The following RYR3 variants were observed in gnomAD, a reference collection of about 807,000 sequenced individuals.
RYR3 encodes the protein ryanodine receptor 3.
A neutral mutation model predicts 584.3 loss-of-function variants in RYR3; 207 were observed. That is an observed-to-expected ratio of 0.35 (90% CI 0.32 to 0.40). The LOEUF (loss-of-function observed/expected upper bound fraction) is 0.40, where lower values mean the gene tolerates loss of function less well. Among genes scored for constraint, RYR3 ranks in the 10% least tolerant of loss-of-function variants. The pLI is 1.00. For missense variants in RYR3, 5,616 were observed against 6,089.2 expected (o/e 0.92, Z 2.59); for synonymous variants, 2,416 against 2,248.5 (o/e 1.07, Z -2.11).
chr15:33,355,480 G>C (rs879447841), intron 1 of RYR3, among the ~76,000 whole-genome samples: 36 of 152,184 alleles, frequency 2.4e-4, no homozygotes, highest in Non-Finnish European at 1.2e-4. Context: ...AACTGAGGTT[G>C]AAAAACTTTA....
In RYR3 at chr15:33,502,535, A is replaced by G. The variant is rs192776951; in HGVS notation, c.172-1096A>G. Among the ~76,000 whole-genome samples the G allele has an allele frequency of 2.0e-5, 3 of 152,338 alleles. No individual in the cohort carries two copies. In the East Asian group the frequency reaches 5.8e-4, roughly 29 times the overall value. On this transcript the variant is annotated intron_variant, in intron 2 of 103. Transcript: ENST00000634891. ...TGGTACACAGGTGATCACAAGCTGT[A>G]TTCTCAAGGAAAATGGTGTGTCATT...
intron 69 of RYR3, among the ~76,000 whole-genome samples, chr15:33,805,009 C>T (rs532841964): frequency 3.3e-5 from 5 of 152,250 alleles, no homozygotes; most frequent in East Asian, 3.9e-4. Context: ...TCAAAGATAA[C>T]GCTATTTTTC....
rs763155106 is a variant in RYR3, at chr15:33,845,079, T to G, written c.13497+17T>G. ...TGCCTGAAGGTGAGCTGTTTGCCAC[T>G]CTGGATCTAATCTCACTCCTTGAGG... On this transcript the variant is annotated intron_variant, in intron 93 of 103. Coordinates refer to ENST00000634891, the MANE Select transcript of RYR3 (RefSeq NM_001036.6). 8 of 1,612,510 alleles carry G rather than the reference T, an allele frequency of 5.0e-6. No individual in the cohort carries two copies. Among genetic ancestry groups the G allele is most frequent in the Non-Finnish European group, 6.8e-6 (8 of 1,178,860 alleles).
rs1464344834 is a variant in RYR3, at chr15:33,549,719, TGCA to T, written c.816-439_816-437del. Among the ~76,000 whole-genome samples, 5 of 152,358 alleles carry T rather than the reference TGCA, an allele frequency of 3.3e-5. No individual in the cohort carries two copies. The South Asian group carries it at 1.0e-3, about 32-fold the overall frequency. On this transcript the variant is annotated intron_variant, in intron 9 of 103. Coordinates refer to ENST00000634891, the MANE Select transcript of RYR3 (RefSeq NM_001036.6). ...CTCTTTGTCTGGCAAGTGTAAGCTG[TGCA>T]GGTATTTTTACTATTTCCCTTGAAG...
intron 1 of RYR3, among the ~76,000 whole-genome samples, chr15:33,437,303 C>G (rs1347869308): frequency 6.6e-6 from 1 of 152,210 alleles, no homozygotes; most frequent in African/African-American, 2.4e-5. Flanking sequence ...GACCTAGGCT[C>G]CTTTTACATT....
Position 33,785,787 on chromosome 15 carries a change from G to A in RYR3, c.9394G>A (p.Glu3132Lys), listed in dbSNP as rs747215383. The A allele has an allele frequency of 1.2e-6, 2 of 1,613,928 alleles. No individual in the cohort carries two copies. The highest frequency in any genetic ancestry group is 2.2e-5 in the East Asian group (1 of 44,874). Residue 3132 changes from glutamate (E) to lysine (K), a missense_variant, in exon 66 of 104, where the codon GAG (glutamate) becomes AAG (lysine). This residue lies in a region of RYR3 where 954 missense variants were observed against 1,132.2 expected (regional missense o/e 0.84). Transcript: ENST00000634891. ...ARYTEMPHVI[E>K]VILPMLCNYL... Reference sequence around the variant, plus strand: ...GTACACAGAGATGCCCCATGTCATCGAGGTGATCTTACCCATGCTCTGCAA... The same window carrying A: ...GTACACAGAGATGCCCCATGTCATCAAGGTGATCTTACCCATGCTCTGCAA...
intron 1 of RYR3, among the ~76,000 whole-genome samples, chr15:33,380,089 C>A (rs976362338): frequency 1.9e-4 from 29 of 152,258 alleles, no homozygotes; most frequent in East Asian, 1.9e-4. Flanking sequence ...AGTGGTCTTC[C>A]TCTCCCAGTT....
At chr15:33,857,999 G>T in intron 99 of RYR3, 85 bp downstream of exon 99, 1 of 1,561,200 alleles carries the variant, frequency 6.4e-7, no homozygotes, top group Non-Finnish European at 8.7e-7. Context: ...GGGCTGTGTG[G>T]GGGTGCTCTT....
intron 37 of RYR3, among the ~76,000 whole-genome samples, chr15:33,669,926 G>T (rs569008801): frequency 2.8e-5 from 4 of 144,038 alleles, no homozygotes; most frequent in Non-Finnish European, 6.0e-5. Context: ...TGCCCTTAAG[G>T]CTTCTCAGCC....
Position 33,311,148 on chromosome 15 carries a change from A to C in RYR3, c.51+52A>C. On this transcript the variant is annotated intron_variant, in intron 1 of 103. Coordinates refer to ENST00000634891, the MANE Select transcript of RYR3 (RefSeq NM_001036.6). The surrounding 1 kb of genome is among the most constrained non-coding windows in gnomAD (Gnocchi z 4.4). ...CGTGGGCAGGTGGGGAGGAGCGCGG[A>C]GCGCGGCGAGGAGGGGCTGGCTGCG... is the stretch of plus-strand genomic sequence containing the variant. 7.0e-7 allele frequency: 1 copy of C among 1,432,176 alleles called. No homozygotes were observed. The highest frequency in any genetic ancestry group is 9.4e-7 in the Non-Finnish European group (1 of 1,061,052). The allele number at this position is 1,432,176 out of a possible 1,614,324, so 88.7% of individuals were successfully genotyped here.
chr15:33,392,979 C>T (rs1351220620), intron 1 of RYR3, among the ~76,000 whole-genome samples: 1 of 152,232 alleles, frequency 6.6e-6, no homozygotes, highest in African/African-American at 2.4e-5. Context: ...AGATACATAG[C>T]TGTGGCAGGA....
chr15:33,713,842 G>C lies in RYR3; in HGVS notation c.6619+6788G>C, dbSNP rs1163116285. Among the ~76,000 whole-genome samples, 6 of 152,144 alleles carry C rather than the reference G, an allele frequency of 3.9e-5. No individual in the cohort carries two copies. In the South Asian group the frequency reaches 6.2e-4, roughly 16 times the overall value. ...GGTGGAAGAGGCAAGGCAGCTCTCTGGGGCCTCTTTTGTAGTGGCACAAAT... is the reference window on the plus strand; with the variant it reads ...GGTGGAAGAGGCAAGGCAGCTCTCTCGGGCCTCTTTTGTAGTGGCACAAAT... On this transcript the variant is annotated intron_variant, in intron 43 of 103. Coordinates refer to ENST00000634891, the MANE Select transcript of RYR3 (RefSeq NM_001036.6).
chr15:33,507,854 G>C (rs1432486569), intron 3 of RYR3, among the ~76,000 whole-genome samples: 1 of 152,102 alleles, frequency 6.6e-6, no homozygotes, highest in African/African-American at 2.4e-5. Flanking sequence ...TCGTAGGACT[G>C]GGTGAGAATT....
rs540076860 is a variant in RYR3 at position 33,629,690 on chromosome 15, C to T, written c.2680-250C>T. ...CTGCCACATGTAGCACTGCTTCTTT[C>T]GGAAAGTATGTTCAAAATGCAGATG... On this transcript the variant is annotated intron_variant, in intron 21 of 103. Coordinates refer to ENST00000634891, the MANE Select transcript of RYR3 (RefSeq NM_001036.6). Among the ~76,000 whole-genome samples the T allele has an allele frequency of 8.5e-5, 13 of 152,248 alleles. No homozygotes were observed. In the East Asian group the frequency reaches 1.2e-3, roughly 14 times the overall value.
Position 33,821,262 on chromosome 15 carries a change from C to A in RYR3, c.10816-8C>A. 1.3e-6 allele frequency: 2 copies of A among 1,576,582 alleles called. No individual in the cohort carries two copies. The highest frequency in any genetic ancestry group is 8.6e-7 in the Non-Finnish European group (1 of 1,159,240). On this transcript the variant is annotated splice_polypyrimidine_tract_variant and splice_region_variant and intron_variant, in intron 78 of 103. Transcript: ENST00000634891. Reference sequence around the variant, plus strand: ...CCAATCTTTCCCTGTGATTTTTTTTCCCCCCAGGAGAAAGAGATGGAGAAG... The same window carrying A: ...CCAATCTTTCCCTGTGATTTTTTTTACCCCCAGGAGAAAGAGATGGAGAAG...
chr15:33,453,119 A>G (rs551633338), intron 1 of RYR3, among the ~76,000 whole-genome samples: 1 of 152,382 alleles, frequency 6.6e-6, no homozygotes, highest in African/African-American at 2.4e-5. Flanking sequence ...AAAATGGAAT[A>G]TAGTCAAGCA....
rs139244974 is a variant in RYR3, at chr15:33,390,802, A to G, written c.51+79706A>G. Reference sequence around the variant, plus strand: ...GTGCTTCTGTGACCATACCCCAATAAAAACCCTGGATGCTGACTCCATAAT... The same window carrying G: ...GTGCTTCTGTGACCATACCCCAATAGAAACCCTGGATGCTGACTCCATAAT... On this transcript the variant is annotated intron_variant, in intron 1 of 103. Transcript: ENST00000634891. This position sits in a 1 kb window ranked among gnomAD's most constrained non-coding sequence, Gnocchi z 4.2. 7.9e-5 allele frequency among the ~76,000 whole-genome samples: 12 copies of G among 152,200 alleles called. No individual in the cohort carries two copies. Among genetic ancestry groups the G allele is most frequent in the Non-Finnish European group, 1.3e-4 (9 of 68,022 alleles).
intron 38 of RYR3, among the ~76,000 whole-genome samples, chr15:33,693,619 A>G (rs2065612956): frequency 6.6e-6 from 1 of 152,264 alleles, no homozygotes; most frequent in South Asian, 2.1e-4. Context: ...GCCAGGGGAA[A>G]GATCTCTGTC....
intron 42 of RYR3, among the ~76,000 whole-genome samples, chr15:33,702,322 GA>G (rs1412520201): frequency 3.3e-5 from 5 of 152,198 alleles, no homozygotes; most frequent in Admixed American, 2.6e-4. Flanking sequence ...GTTTCAGTAA[GA>G]AGAACTGAAC....
Sources: allele counts gnomAD v4.1 joint callset (sites outside exome capture counted in the v4.1 genomes callset), GRCh38; gene constraint gnomAD v4.1.1; regional missense constraint gnomAD v4.1.1; non-coding constraint Gnocchi (gnomAD v3.1); transcripts MANE v1.5; gene names NCBI Gene and HGNC (gene_info 2026-07-23, HGNC 2026-07-21).